Variants in TMEM132B observed in about 807,000 individuals in gnomAD.
TMEM132B encodes transmembrane protein 132B.
A neutral mutation model predicts 90.8 loss-of-function variants in TMEM132B; 18 were observed. That is an observed-to-expected ratio of 0.20 (90% CI 0.14 to 0.29). The LOEUF (loss-of-function observed/expected upper bound fraction) is 0.29, where lower values mean the gene tolerates loss of function less well. Among genes scored for constraint, TMEM132B ranks in the 10% least tolerant of loss-of-function variants. TMEM132B has a pLI of 1.00. For missense variants in TMEM132B, 1,096 were observed against 1,326.8 expected, an observed-to-expected ratio of 0.83 and a Z score of 2.70; for synonymous variants, 504 against 523.3, an observed-to-expected ratio of 0.96 and a Z score of 0.50.
rs544738268 is a variant in TMEM132B, at chr12:125,330,534, T to A, written c.68-18918T>A. On this transcript the variant is annotated intron_variant, in intron 1 of 8. Transcript: ENST00000682704. ...AACATTTAAAAAACTTAATCACTAA[T>A]TGTCAAATTTAAATTTTTTAATCTA... is the stretch of plus-strand genomic sequence containing the variant. 3.4e-3 allele frequency among the ~76,000 whole-genome samples: 510 copies of A among 152,224 alleles called. 4 individuals are homozygous for A. The highest frequency in any genetic ancestry group is 0.012 in the African/African-American group (486 of 41,508).
intron 2 of TMEM132B, among the ~76,000 whole-genome samples, chr12:125,389,530 GA>G (rs1337284087): frequency 2.0e-5 from 3 of 152,026 alleles, no homozygotes; most frequent in Admixed American, 1.3e-4. Context: ...GTGATCTTGG[GA>G]AAATTACCTA....
intron 4 of TMEM132B, among the ~76,000 whole-genome samples, chr12:125,555,679 G>A (rs180752817): frequency 0.014 from 2,174 of 150,914 alleles, 42 homozygotes; most frequent in African/African-American, 0.049. Context: ...AAACCTGCAC[G>A]TTGTGCACAT....
intron 1 of TMEM132B, among the ~76,000 whole-genome samples, chr12:125,264,669 G>A (rs949806016): frequency 9.9e-5 from 15 of 152,200 alleles, no homozygotes; most frequent in African/African-American, 3.6e-4. Flanking sequence ...CAACTGTTGC[G>A]TGGCAAGCAT....
At chr12:125,440,305 T>G (rs1046605272) in intron 3 of TMEM132B, among the ~76,000 whole-genome samples, 1 of 152,234 alleles carries the variant, frequency 6.6e-6, no homozygotes, top group Non-Finnish European at 1.5e-5. Flanking sequence ...ATGTCTCTGC[T>G]GTCAAGAGAC....
At chr12:125,479,913 A>G (rs148913304) in intron 3 of TMEM132B, among the ~76,000 whole-genome samples, 1,868 of 152,358 alleles carry the variant, frequency 0.012, 17 homozygotes, top group Middle Eastern at 0.044. Flanking sequence ...ACTGTCTCTC[A>G]GACCACAGTG....
At chr12:125,514,401 A>AT (rs1387968697) in intron 3 of TMEM132B, among the ~76,000 whole-genome samples, 5 of 152,166 alleles carry the variant, frequency 3.3e-5, no homozygotes, top group African/African-American at 9.7e-5. Context: ...CCCGTCTCCC[A>AT]TTGTATCTCC....
At chr12:125,574,905 T>A (rs1351722461) in intron 4 of TMEM132B, among the ~76,000 whole-genome samples, 1 of 151,146 alleles carries the variant, frequency 6.6e-6, no homozygotes, top group Non-Finnish European at 1.5e-5. Context: ...CATATGGCAT[T>A]ACCTCACTAT....
In TMEM132B at chr12:125,349,303, TAA is replaced by T. The variant is rs1877471730; in HGVS notation, c.68-148_68-147del. 3.6e-6 allele frequency: 3 copies of T among 825,492 alleles called. No individual in the cohort carries two copies. The highest frequency in any genetic ancestry group is 5.5e-6 in the Non-Finnish European group (3 of 544,768). 51.1% of individuals were successfully genotyped at this position (825,492 alleles called of 1,614,324 possible). A position where few individuals can be genotyped will look rare whatever the true frequency, so the allele number is the denominator to read the frequency against. On this transcript the variant is annotated intron_variant, in intron 1 of 8. Transcript: ENST00000682704. The surrounding 1 kb of genome is among the most constrained non-coding windows in gnomAD (Gnocchi z 4.1). ...AAGATCCTGAAGACCATACTTTATA[TAA>T]TTACAGGGCTTTCACTGTGATGAGA...
chr12:125,437,014 G>GGAT (rs1296726265), intron 3 of TMEM132B, among the ~76,000 whole-genome samples: 3 of 152,156 alleles, frequency 2.0e-5, no homozygotes, highest in African/African-American at 7.2e-5. Context: ...TAATTCTGAT[G>GGAT]GATGCAGTTT....
At chr12:125,469,508 C>G (rs1466454885) in intron 3 of TMEM132B, among the ~76,000 whole-genome samples, 2 of 152,032 alleles carry the variant, frequency 1.3e-5, no homozygotes, top group African/African-American at 4.8e-5. Context: ...TGTTGTGCTG[C>G]CTTGGGAGGG....
chr12:125,353,237 G>C (rs138699591), intron 2 of TMEM132B, among the ~76,000 whole-genome samples: 2 of 143,206 alleles, frequency 1.4e-5, no homozygotes, highest in African/African-American at 6.0e-5. Context: ...CACTCCCTCT[G>C]CCATGGCAGA....
Position 125,221,087 on chromosome 12 carries a change from G to A in TMEM132B, c.67+34221G>A, listed in dbSNP as rs371898929. On this transcript the variant is annotated intron_variant, in intron 1 of 8. Transcript: ENST00000682704. ...CCCTGAGCACCCCGCCTACAGTAGCGCTCAGCACTCATTTCCTGCTTCATT... is the reference window on the plus strand; with the variant it reads ...CCCTGAGCACCCCGCCTACAGTAGCACTCAGCACTCATTTCCTGCTTCATT... Among the ~76,000 whole-genome samples the A allele has an allele frequency of 5.1e-4, 78 of 152,336 alleles. 1 individual carries two copies. In the South Asian group the frequency reaches 0.012, roughly 24 times the overall value.
At chr12:125,513,456 G>A (rs1165255723) in intron 3 of TMEM132B, among the ~76,000 whole-genome samples, 1 of 152,182 alleles carries the variant, frequency 6.6e-6, no homozygotes, top group African/African-American at 2.4e-5. Flanking sequence ...GCTAGAGCCG[G>A]ATAAGGGGGT....
intron 1 of TMEM132B, among the ~76,000 whole-genome samples, chr12:125,270,877 T>TGACAGAAAGTGAGATGGAGC (rs1313734208): frequency 6.6e-6 from 1 of 151,804 alleles, no homozygotes; most frequent in Non-Finnish European, 1.5e-5. Context: ...AAAGATGGAC[T>TGACAGAAAGTGAGATGGAGC]GACAGAAAGT....
At chr12:125,368,161 A>G (rs1211949964) in intron 2 of TMEM132B, among the ~76,000 whole-genome samples, 3 of 152,120 alleles carry the variant, frequency 2.0e-5, no homozygotes, top group African/African-American at 7.2e-5. Flanking sequence ...TATATTTGAT[A>G]TCTATATATG....
In TMEM132B at chr12:125,644,050, CT is replaced by C. The variant is rs1178052979; in HGVS notation, c.1438-25del. 27 of 1,608,298 alleles carry C rather than the reference CT, an allele frequency of 1.7e-5. No homozygotes were observed. In the African/African-American group the frequency reaches 2.7e-4, roughly 16 times the overall value. On this transcript the variant is annotated intron_variant, in intron 5 of 8. Coordinates refer to ENST00000682704, the MANE Select transcript of TMEM132B (RefSeq NM_001366854.1). The stretch of plus-strand genomic sequence containing the variant: ...CCTTGTGCTTTTCCTACTGATGCAT[CT>C]CAAGGTTCTACCTCCTTCCCAAAGG...
Position 125,660,215 on chromosome 12 carries a change from C to G in TMEM132B, c.*5505C>G, listed in dbSNP as rs1887173695. 1 of 152,232 alleles carries G rather than the reference C, an allele frequency of 6.6e-6. No homozygotes were observed. Among genetic ancestry groups the G allele is most frequent in the Non-Finnish European group, 1.5e-5 (1 of 68,064 alleles). The allele number at this position is 152,232 out of a possible 1,614,324, so 9.4% of individuals were successfully genotyped here. ...AGTGAGCCAAGATCGTACCACTGCA[C>G]TCTGGCCTGGGCAACAAGAGCGAGA... On this transcript the variant is annotated 3_prime_UTR_variant, in exon 9 of 9. Coordinates refer to ENST00000682704, the MANE Select transcript of TMEM132B (RefSeq NM_001366854.1).
At chr12:125,422,888 GTC>G (rs987138171) in intron 3 of TMEM132B, among the ~76,000 whole-genome samples, 24 of 152,312 alleles carry the variant, frequency 1.6e-4, no homozygotes, top group African/African-American at 5.3e-4. Flanking sequence ...GAAAGAATAA[GTC>G]TCTGTTGTTT....
chr12:125,246,894 C>G lies in TMEM132B; in HGVS notation c.67+60028C>G, dbSNP rs894903566. Among the ~76,000 whole-genome samples the G allele has an allele frequency of 6.6e-6, 1 of 150,542 alleles. No homozygotes were observed. Among genetic ancestry groups the G allele is most frequent in the East Asian group, 2.0e-4 (1 of 5,068 alleles). On this transcript the variant is annotated intron_variant, in intron 1 of 8. Coordinates refer to ENST00000682704, the MANE Select transcript of TMEM132B (RefSeq NM_001366854.1). This position sits in a 1 kb window ranked among gnomAD's most constrained non-coding sequence, Gnocchi z 4.2. ...TTCAGCATTTCATCACATTTCCCAC[C>G]GGGAGAGCCTGGGGTTTGTGGGGGA...
Sources: gnomAD v4.1 joint callset for allele counts (sites outside exome capture counted in the v4.1 genomes callset) on GRCh38, gnomAD v4.1.1 for gene constraint, Gnocchi (gnomAD v3.1) non-coding constraint, MANE v1.5 for transcripts, NCBI Gene and HGNC (gene_info 2026-07-23, HGNC 2026-07-21) for gene names.